The following ZHX3 variants were observed in gnomAD, a reference collection of about 807,000 sequenced individuals.
The protein encoded by ZHX3 is zinc fingers and homeoboxes 3.
Under a neutral mutation model 64.5 loss-of-function variants are expected in ZHX3, and 20 were observed. The ratio of observed to expected loss-of-function variants is 0.31; its 90% CI spans 0.22 to 0.45. The LOEUF (loss-of-function observed/expected upper bound fraction) is 0.45, where lower values mean the gene tolerates loss of function less well. Among genes scored for constraint, ZHX3 ranks in the 20% least tolerant of loss-of-function variants. ZHX3 has a pLI of 1.00. For missense variants in ZHX3, 1,041 were observed against 1,195.8 expected (o/e 0.87, Z 1.91); for synonymous variants, 423 against 461.6 (o/e 0.92, Z 1.07).
At position 41,232,308 on chromosome 20, in the gene ZHX3, C is replaced by T. The variant is rs557195645; in HGVS notation, c.-150-27242G>A. ...TGCAGCATAAAAAAAAAAAAAAGGT[C>T]TAGTTTTAAACAAAGAACTCAATGG... On this transcript the variant is annotated intron_variant, in intron 2 of 3. Coordinates refer to ENST00000683867, the MANE Select transcript of ZHX3 (RefSeq NM_001384317.1). The surrounding 1 kb of genome is among the most constrained non-coding windows in gnomAD (Gnocchi z 5.0). Among the ~76,000 whole-genome samples the T allele has an allele frequency of 6.6e-6, 1 of 151,450 alleles. No homozygotes were observed. Among genetic ancestry groups the T allele is most frequent in the Admixed American group, 6.6e-5 (1 of 15,222 alleles).
chr20:41,235,974 A>G (rs536378561), intron 2 of ZHX3, among the ~76,000 whole-genome samples: 115 of 152,338 alleles, frequency 7.5e-4, no homozygotes, highest in Admixed American at 2.9e-3. Context: ...CGATACACCA[A>G]TAACAGACAA....
Position 41,200,815 on chromosome 20 carries a change from A to T in ZHX3, c.2860+1242T>A, listed in dbSNP as rs2038157023. Among the ~76,000 whole-genome samples the T allele has an allele frequency of 6.6e-6, 1 of 152,236 alleles. No individual in the cohort carries two copies. The highest frequency in any genetic ancestry group is 6.5e-5 in the Admixed American group (1 of 15,288). On this transcript the variant is annotated intron_variant, in intron 3 of 3. Transcript: ENST00000683867. This position sits in a 1 kb window ranked among gnomAD's most constrained non-coding sequence, Gnocchi z 4.2. ...CCAACCCACCAAATTATGGGCCAAA[A>T]AGGAAGTCTCTTTTTCCTTAATTCA...
At position 41,283,476 on chromosome 20, in the gene ZHX3, G is replaced by A. The variant is rs191610648; in HGVS notation, c.-244-14393C>T. On this transcript the variant is annotated intron_variant, in intron 1 of 3. Coordinates refer to ENST00000683867, the MANE Select transcript of ZHX3 (RefSeq NM_001384317.1). ...ACTGAACATTAACATCACTTTTATC[G>A]GGCCAGGTGTGGTAGCTCACGCCTG... is the stretch of plus-strand genomic sequence containing the variant. 4.2e-4 allele frequency among the ~76,000 whole-genome samples: 64 copies of A among 152,138 alleles called. 1 individual carries two copies. In the East Asian group the frequency reaches 4.8e-3, roughly 11 times the overall value.
intron 1 of ZHX3, among the ~76,000 whole-genome samples, chr20:41,307,920 A>C (rs775013306): frequency 3.9e-5 from 6 of 152,174 alleles, no homozygotes; most frequent in Non-Finnish European, 8.8e-5. Context: ...GACTTTTTAA[A>C]AAGTTCCTTG....
At chr20:41,240,573 T>C (rs142000553) in intron 2 of ZHX3, among the ~76,000 whole-genome samples, 3 of 152,318 alleles carry the variant, frequency 2.0e-5, no homozygotes, top group African/African-American at 7.2e-5. Flanking sequence ...TTTTCTACAA[T>C]AGTCACCCTG....
chr20:41,281,125 G>A (rs1198575792), intron 1 of ZHX3, among the ~76,000 whole-genome samples: 1 of 152,158 alleles, frequency 6.6e-6, no homozygotes, highest in Admixed American at 6.5e-5. Flanking sequence ...AAGGAAAATT[G>A]TATTTGCACC....
At chr20:41,308,837 A>T (rs2045051577) in intron 1 of ZHX3, among the ~76,000 whole-genome samples, 1 of 152,210 alleles carries the variant, frequency 6.6e-6, no homozygotes, top group Non-Finnish European at 1.5e-5. Context: ...TTGTTGAGTA[A>T]AACTTTGTTT....
At chr20:41,240,550 A>G (rs868229084) in intron 2 of ZHX3, among the ~76,000 whole-genome samples, 2 of 152,156 alleles carry the variant, frequency 1.3e-5, no homozygotes, top group South Asian at 4.1e-4. Flanking sequence ...TGTTATTTGT[A>G]AATGTACGAT....
intron 2 of ZHX3, among the ~76,000 whole-genome samples, chr20:41,221,013 T>C (rs937911709): frequency 6.6e-6 from 1 of 152,112 alleles, no homozygotes; most frequent in Non-Finnish European, 1.5e-5. Context: ...TGGAAAAACG[T>C]GATTTTTTGG....
intron 2 of ZHX3, among the ~76,000 whole-genome samples, chr20:41,265,216 T>C (rs972576226): frequency 1.3e-5 from 2 of 149,042 alleles, no homozygotes; most frequent in Non-Finnish European, 3.0e-5. Flanking sequence ...TTTTTTTTTT[T>C]TTTGAAACGG....
rs555175800 is a variant in ZHX3, at chr20:41,264,175, G to A, written c.-151+4815C>T. The stretch of plus-strand genomic sequence containing the variant: ...AGTAATCCTAGCACTTTGGGAGGCC[G>A]AGACGGGCAGATTGCCTGAGCTCAG... On this transcript the variant is annotated intron_variant, in intron 2 of 3. Coordinates refer to ENST00000683867, the MANE Select transcript of ZHX3 (RefSeq NM_001384317.1). Among the ~76,000 whole-genome samples, 13 of 151,924 alleles carry A rather than the reference G, an allele frequency of 8.6e-5. No homozygotes were observed. In the South Asian group the frequency reaches 1.7e-3, roughly 19 times the overall value.
In ZHX3 at chr20:41,204,036, T is replaced by C; in HGVS notation, c.881A>G (p.Lys294Arg). The C allele has an allele frequency of 5.0e-6, 8 of 1,614,110 alleles. No homozygotes were observed. The highest frequency in any genetic ancestry group is 6.8e-6 in the Non-Finnish European group (8 of 1,179,958). Residue 294 changes from lysine to arginine, a missense_variant, in exon 3 of 4, where the codon AAG (lysine) becomes AGG (arginine). Lys to Arg is a conservative substitution (Grantham distance 26). This residue lies in a region of ZHX3 where 358 missense variants were observed against 369.1 expected (regional missense o/e 0.97). Coordinates refer to ENST00000683867, the MANE Select transcript of ZHX3 (RefSeq NM_001384317.1). The surrounding 1 kb of genome is among the most constrained non-coding windows in gnomAD (Gnocchi z 6.6). ...GGGGATCATCACTTTGGGAAGGGCC[T>C]TGGCCGTGGGCAGTGGCTGGTGGAC... ...HHVHQPLPTA[K>R]ALPKVMIPLS...
At chr20:41,227,926 C>A (rs1033745817) in intron 2 of ZHX3, among the ~76,000 whole-genome samples, 1 of 152,106 alleles carries the variant, frequency 6.6e-6, no homozygotes, top group Admixed American at 6.5e-5. Flanking sequence ...CCCATCTTCC[C>A]CCTCCCCCAT....
At chr20:41,291,510 T>A (rs1277372814) in intron 1 of ZHX3, among the ~76,000 whole-genome samples, 1 of 152,102 alleles carries the variant, frequency 6.6e-6, no homozygotes, top group Non-Finnish European at 1.5e-5. Context: ...TTGTTAATAA[T>A]TCAGCAAGCA....
At chr20:41,205,146 T>C (rs1008124432) in intron 2 of ZHX3, 80 bp from the exon 3 acceptor site, 13 of 596,486 alleles carry the variant, frequency 2.2e-5, no homozygotes, top group Non-Finnish European at 3.0e-5. Context: ...CACATTCCAC[T>C]GCTTGCCTTC....
intron 1 of ZHX3, among the ~76,000 whole-genome samples, chr20:41,313,873 GGCATGAGCCACCAC>G (rs981873006): frequency 3.3e-5 from 5 of 152,178 alleles, no homozygotes; most frequent in African/African-American, 1.2e-4. Context: ...TGGGATTACA[GGCATGAGCCACCAC>G]GCCCAGCCTC....
At position 41,204,449 on chromosome 20, in the gene ZHX3, A is replaced by G. The variant is rs747760576; in HGVS notation, c.468T>C (p.Pro156=). 3 of 1,614,204 alleles carry G rather than the reference A, an allele frequency of 1.9e-6. No homozygotes were observed. The highest frequency in any genetic ancestry group is 2.5e-6 in the Non-Finnish European group (3 of 1,180,044). Reference sequence around the variant, plus strand: ...CTAGGTCAGGAGTGCTGGTGCTCTCAGGGATGCTCTGCTCCACAACCACAT... The same window carrying G: ...CTAGGTCAGGAGTGCTGGTGCTCTCGGGGATGCTCTGCTCCACAACCACAT... The part of the protein sequence containing the change: ...DNHVVVEQSI[P]ESTSTPDLAG... The change falls in exon 3 of 4, where the codon CCT becomes CCC. Residue 156 remains proline, a synonymous_variant. Transcript: ENST00000683867. The surrounding 1 kb of genome is among the most constrained non-coding windows in gnomAD (Gnocchi z 6.6).
Position 41,200,933 on chromosome 20 carries a change from A to C in ZHX3, c.2860+1124T>G, listed in dbSNP as rs1377590649. On this transcript the variant is annotated intron_variant, in intron 3 of 3. Coordinates refer to ENST00000683867, the MANE Select transcript of ZHX3 (RefSeq NM_001384317.1). The surrounding 1 kb of genome is among the most constrained non-coding windows in gnomAD (Gnocchi z 4.2). Reference sequence around the variant, plus strand: ...AAGAAAAAGAATTTTGTCCTTTTTAAGACATCCTAAGTAGAAAGCAACTGG... The same window carrying C: ...AAGAAAAAGAATTTTGTCCTTTTTACGACATCCTAAGTAGAAAGCAACTGG... Among the ~76,000 whole-genome samples the C allele has an allele frequency of 6.6e-6, 1 of 152,256 alleles. No individual in the cohort carries two copies. Among genetic ancestry groups the C allele is most frequent in the Non-Finnish European group, 1.5e-5 (1 of 68,036 alleles).
chr20:41,265,179 A>G (rs1197985910), intron 2 of ZHX3, among the ~76,000 whole-genome samples: 1 of 152,032 alleles, frequency 6.6e-6, no homozygotes, highest in Non-Finnish European at 1.5e-5. Context: ...ACCCAAAGGA[A>G]TCACTGAAGT....
Sources: allele counts gnomAD v4.1 joint callset (sites outside exome capture counted in the v4.1 genomes callset), GRCh38; gene constraint gnomAD v4.1.1; regional missense constraint gnomAD v4.1.1; non-coding constraint Gnocchi (gnomAD v3.1); transcripts MANE v1.5; gene names NCBI Gene and HGNC (gene_info 2026-07-23, HGNC 2026-07-21).